The following CAB39L variants were observed in gnomAD, a reference collection of about 807,000 sequenced individuals.
The protein encoded by CAB39L is calcium binding protein 39 like, also known as calcium-binding protein 39-like.
A neutral mutation model predicts 39.1 loss-of-function variants in CAB39L; 23 were observed. The observed-to-expected ratio is 0.59, with a 90% CI of 0.42 to 0.83. The LOEUF (loss-of-function observed/expected upper bound fraction) is 0.83. Ranked by LOEUF, CAB39L falls within the 40% of genes least tolerant of loss-of-function variation. The probability of loss-of-function intolerance (pLI) is 0.00; values close to 1 mark genes in which losing one functional copy is unlikely to be tolerated. For synonymous variants in CAB39L, 126 were observed against 137.2 expected, an observed-to-expected ratio of 0.92 and a Z score of 0.57; for missense variants, 366 against 391.9, an observed-to-expected ratio of 0.93 and a Z score of 0.56.
chr13:49,378,803 G>A (rs1956179553), intron 4 of CAB39L, among the ~76,000 whole-genome samples: 4 of 57,436 alleles, frequency 7.0e-5, no homozygotes, highest in Non-Finnish European at 1.1e-4. Context: ...CGCCCCGTCC[G>A]GGAGGTGAGG....
At chr13:49,348,238 C>A (rs1955237750) in intron 7 of CAB39L, among the ~76,000 whole-genome samples, 1 of 152,120 alleles carries the variant, frequency 6.6e-6, no homozygotes, top group Non-Finnish European at 1.5e-5. Flanking sequence ...CAGTGCTTGT[C>A]CGAAACCCGC....
intron 8 of CAB39L, among the ~76,000 whole-genome samples, chr13:49,342,272 A>G (rs529406397): frequency 3.5e-4 from 54 of 152,302 alleles, no homozygotes; most frequent in African/African-American, 1.3e-3. Flanking sequence ...ACTGTTGGGA[A>G]GGCATAAAGT....
intron 8 of CAB39L, among the ~76,000 whole-genome samples, chr13:49,340,904 A>G (rs548246246): frequency 6.6e-6 from 1 of 152,318 alleles, no homozygotes; most frequent in Admixed American, 6.5e-5. Context: ...CAGCTGTGAA[A>G]TTACTAAATT....
At chr13:49,352,363 C>T (rs769835121) in intron 6 of CAB39L, among the ~76,000 whole-genome samples, 10 of 151,754 alleles carry the variant, frequency 6.6e-5, no homozygotes, top group Non-Finnish European at 1.2e-4. Flanking sequence ...TGAAATAATA[C>T]AGTTGACAAT....
intron 5 of CAB39L, among the ~76,000 whole-genome samples, chr13:49,366,169 G>T (rs1004900703): frequency 9.2e-5 from 14 of 152,008 alleles, no homozygotes; most frequent in Non-Finnish European, 1.8e-4. Context: ...GGGTAGCAGG[G>T]GAGTGTGTCA....
At chr13:49,316,274 T>C (rs561343484) in intron 10 of CAB39L, among the ~76,000 whole-genome samples, 4 of 152,124 alleles carry the variant, frequency 2.6e-5, no homozygotes, top group Non-Finnish European at 4.4e-5. Context: ...ACATGCAGAC[T>C]ACCCAACTGA....
At chr13:49,417,433 T>G (rs964332415) in intron 3 of CAB39L, among the ~76,000 whole-genome samples, 1 of 152,166 alleles carries the variant, frequency 6.6e-6, no homozygotes, top group Non-Finnish European at 1.5e-5. Flanking sequence ...CAAATATGAC[T>G]AACATACCCA....
At chr13:49,395,513 T>C (rs1956594516) in intron 3 of CAB39L, among the ~76,000 whole-genome samples, 1 of 152,168 alleles carries the variant, frequency 6.6e-6, no homozygotes, top group African/African-American at 2.4e-5. Context: ...ATTACAGGCA[T>C]GAGCCACCAC....
chr13:49,346,666 G>A (rs771368439), intron 7 of CAB39L, among the ~76,000 whole-genome samples: 1 of 152,190 alleles, frequency 6.6e-6, no homozygotes, highest in Non-Finnish European at 1.5e-5. Context: ...AGGGCTGACT[G>A]TGCTGGGGAG....
chr13:49,419,060 C>T (rs1240710060), intron 3 of CAB39L, among the ~76,000 whole-genome samples: 6 of 152,130 alleles, frequency 3.9e-5, no homozygotes, highest in African/African-American at 4.8e-5. Flanking sequence ...CTCTCCCTCC[C>T]AGGTTCAAGT....
chr13:49,368,573 T>C (rs1206929134), intron 5 of CAB39L, among the ~76,000 whole-genome samples: 3 of 152,060 alleles, frequency 2.0e-5, no homozygotes, highest in African/African-American at 4.8e-5. Context: ...AAAAATATAT[T>C]TGATAATAAA....
chr13:49,322,336 T>C (rs1954372186), intron 10 of CAB39L, among the ~76,000 whole-genome samples: 1 of 152,210 alleles, frequency 6.6e-6, no homozygotes, highest in South Asian at 2.1e-4. Context: ...GCCACATCCT[T>C]TTTGTGGCCA....
chr13:49,409,181 A>G (rs1956940458), intron 3 of CAB39L, among the ~76,000 whole-genome samples: 1 of 152,178 alleles, frequency 6.6e-6, no homozygotes, highest in African/African-American at 2.4e-5. Context: ...TGAGGCAGGC[A>G]GAGGACTCCA....
intron 3 of CAB39L, among the ~76,000 whole-genome samples, chr13:49,408,724 G>A (rs998681949): frequency 1.3e-5 from 2 of 151,942 alleles, no homozygotes; most frequent in Non-Finnish European, 2.9e-5. Context: ...CCAGCTACTC[G>A]AGGGGTTGAG....
intron 10 of CAB39L, among the ~76,000 whole-genome samples, chr13:49,325,122 A>T (rs2138367230): frequency 6.6e-6 from 1 of 152,368 alleles, no homozygotes; most frequent in South Asian, 2.1e-4. Context: ...AAACCTTTCT[A>T]TAAAGAAACA....
rs146524891 is a variant in CAB39L, at chr13:49,421,174, G to A, written c.-32+12144C>T. ...GAAGCCAGCAACCCAGGAACACCAA[G>A]TGCAAAGAAACTGCCTCCCCTCTCT... On this transcript the variant is annotated intron_variant, in intron 3 of 10. Transcript: ENST00000409308. Among the ~76,000 whole-genome samples the A allele has an allele frequency of 3.0e-3, 450 of 152,194 alleles. 4 individuals carry two copies. Among genetic ancestry groups the A allele is most frequent in the Non-Finnish European group, 4.7e-3 (317 of 68,010 alleles).
chr13:49,370,682 A>G (rs1955895352), intron 5 of CAB39L, among the ~76,000 whole-genome samples: 1 of 152,216 alleles, frequency 6.6e-6, no homozygotes, highest in African/African-American at 2.4e-5. Flanking sequence ...ACACAGCACA[A>G]GCAGTCTTCA....
At chr13:49,431,617 G>C (rs1233104230) in intron 3 of CAB39L, among the ~76,000 whole-genome samples, 1 of 152,012 alleles carries the variant, frequency 6.6e-6, no homozygotes, top group East Asian at 1.9e-4. Context: ...TGTGGCAGGA[G>C]AATTGCTTGA....
At chr13:49,317,694 CATA>C (rs1954198826) in intron 10 of CAB39L, among the ~76,000 whole-genome samples, 1 of 151,976 alleles carries the variant, frequency 6.6e-6, no homozygotes, top group South Asian at 2.1e-4. Flanking sequence ...GGTAAATTTT[CATA>C]ATGTTGGATT....
Sources: gnomAD v4.1 joint callset for allele counts (sites outside exome capture counted in the v4.1 genomes callset) on GRCh38, gnomAD v4.1.1 for gene constraint, MANE v1.5 for transcripts, NCBI Gene and HGNC (gene_info 2026-07-23, HGNC 2026-07-21) for gene names.